The following TSPAN7 variants were observed in gnomAD, a reference collection of about 807,000 sequenced individuals.
The protein encoded by TSPAN7 is tetraspanin 7.
A neutral mutation model predicts 17.6 loss-of-function variants in TSPAN7; 1 was observed. The observed-to-expected ratio is 0.06, with a 90% CI of 0.02 to 0.27. The LOEUF is 0.27. Ranked by LOEUF, TSPAN7 falls within the 10% of genes least tolerant of loss-of-function variation. The pLI, the probability that TSPAN7 is intolerant of heterozygous loss-of-function variation, is 1.00. For missense variants in TSPAN7, 112 were observed against 201.7 expected (o/e 0.56, Z 2.69); for synonymous variants, 78 against 79.0 (o/e 0.99, Z 0.07).
chrX:38,601,124 T>C lies in TSPAN7; in HGVS notation c.81+39497T>C, dbSNP rs992622872. On this transcript the variant is annotated intron_variant, in intron 1 of 7. Coordinates refer to ENST00000378482, the MANE Select transcript of TSPAN7 (RefSeq NM_004615.4). ...CAGCACAGGGATCAATACTACAAGG[T>C]AGAGTATAGAAGACCATGATATTCT... is the stretch of plus-strand genomic sequence containing the variant. Among the ~76,000 whole-genome samples, 3 of 111,474 alleles carry C rather than the reference T, an allele frequency of 2.7e-5. No individual in the cohort carries two copies. In the Admixed American group the frequency reaches 2.9e-4, roughly 11 times the overall value.
intron 1 of TSPAN7, among the ~76,000 whole-genome samples, chrX:38,625,855 A>T (rs941358852): frequency 8.9e-6 from 1 of 112,122 alleles, no homozygotes; most frequent in Non-Finnish European, 1.9e-5. Context: ...GATGTATAAG[A>T]TATAAGTCAT....
intron 1 of TSPAN7, among the ~76,000 whole-genome samples, chrX:38,622,604 G>C (rs1213483372): frequency 8.9e-6 from 1 of 112,384 alleles, no homozygotes; most frequent in East Asian, 2.8e-4. Context: ...ACTTTAGTTA[G>C]GATTCTGACT....
intron 1 of TSPAN7, among the ~76,000 whole-genome samples, chrX:38,577,558 G>A (rs1044598550): frequency 4.8e-5 from 5 of 104,409 alleles, no homozygotes; most frequent in South Asian, 4.6e-4. Context: ...GCAAACTATC[G>A]CAAGGACAAA....
At chrX:38,641,186 C>G (rs189159225) in intron 1 of TSPAN7, among the ~76,000 whole-genome samples, 15 of 112,198 alleles carry the variant, frequency 1.3e-4, no homozygotes, top group Non-Finnish European at 2.8e-4. Flanking sequence ...ATGATTAATG[C>G]CCAGAGTGCA....
At chrX:38,652,938 G>A (rs1053957795) in intron 1 of TSPAN7, among the ~76,000 whole-genome samples, 12 of 112,440 alleles carry the variant, frequency 1.1e-4, no homozygotes, top group African/African-American at 3.6e-4. Flanking sequence ...CTACCTAGAC[G>A]AGAGGGTCAG....
chrX:38,624,764 C>T (rs1419447582), intron 1 of TSPAN7, among the ~76,000 whole-genome samples: 2 of 112,886 alleles, frequency 1.8e-5, no homozygotes, highest in Admixed American at 9.3e-5. Flanking sequence ...TGGTAGTTCT[C>T]AAACTTGGCT....
Position 38,655,715 on chromosome X carries a change from C to G in TSPAN7, c.82-10406C>G, listed in dbSNP as rs772043864. On this transcript the variant is annotated intron_variant, in intron 1 of 7. Transcript: ENST00000378482. ...CTTCAGACCAACCCACCTCATCACA[C>G]CCCATCAATGCATAGCCACATAAAG... Among the ~76,000 whole-genome samples, 70 of 111,687 alleles carry G rather than the reference C, an allele frequency of 6.3e-4. 1 individual carries two copies. Among genetic ancestry groups the G allele is most frequent in the Non-Finnish European group, 1.1e-3 (58 of 53,161 alleles).
intron 5 of TSPAN7, among the ~76,000 whole-genome samples, chrX:38,680,808 C>G (rs1329082864): frequency 9.0e-6 from 1 of 111,494 alleles, no homozygotes; most frequent in African/African-American, 3.3e-5. Flanking sequence ...AATGTCTTTT[C>G]AAGTCTACTT....
intron 1 of TSPAN7, chrX:38,612,799 G>A (rs1019948396): frequency 3.6e-5 from 4 of 111,471 alleles, no homozygotes; most frequent in Non-Finnish European, 7.5e-5. Flanking sequence ...TTCTACTATT[G>A]CTGTAGAGAA....
intron 1 of TSPAN7, among the ~76,000 whole-genome samples, chrX:38,636,893 G>A (rs965335552): frequency 1.8e-5 from 2 of 111,479 alleles, no homozygotes; most frequent in Non-Finnish European, 3.8e-5. Context: ...GACCTCAGGT[G>A]ATCCGCCAGC....
intron 1 of TSPAN7, among the ~76,000 whole-genome samples, chrX:38,630,109 T>C (rs2069542043): frequency 8.9e-6 from 1 of 111,741 alleles, no homozygotes; most frequent in African/African-American, 3.3e-5. Context: ...TAACTTAAAT[T>C]TCCCCATTTT....
intron 1 of TSPAN7, among the ~76,000 whole-genome samples, chrX:38,563,533 A>G (rs922891155): frequency 2.7e-5 from 3 of 111,181 alleles, no homozygotes; most frequent in Non-Finnish European, 3.8e-5. Context: ...ACATGAAGAA[A>G]TATTGTTCTT....
intron 1 of TSPAN7, among the ~76,000 whole-genome samples, chrX:38,632,405 T>G (rs1431524211): frequency 8.9e-6 from 1 of 112,307 alleles, no homozygotes; most frequent in Non-Finnish European, 1.9e-5. Flanking sequence ...TTCTAAAAAA[T>G]TGAATCACTA....
intron 1 of TSPAN7, among the ~76,000 whole-genome samples, chrX:38,572,550 A>G (rs1305859099): frequency 9.0e-6 from 1 of 111,690 alleles, no homozygotes; most frequent in African/African-American, 3.3e-5. Flanking sequence ...TTCTTAGTGA[A>G]ATGAAGTTGC....
intron 1 of TSPAN7, among the ~76,000 whole-genome samples, chrX:38,653,415 T>G (rs2069686474): frequency 9.0e-6 from 1 of 111,664 alleles, no homozygotes; most frequent in Non-Finnish European, 1.9e-5. Flanking sequence ...GAGTGGGTTC[T>G]TCTCATATAT....
At chrX:38,664,247 A>AT (rs1361286216) in intron 1 of TSPAN7, among the ~76,000 whole-genome samples, 1 of 110,986 alleles carries the variant, frequency 9.0e-6, no homozygotes, top group African/African-American at 3.3e-5. Context: ...AAAAAAATAT[A>AT]TTTTTTTTCT....
rs1347024792 is a variant in TSPAN7 at position 38,671,364 on chromosome X, C to A, written c.271-12C>A. On this transcript the variant is annotated splice_polypyrimidine_tract_variant and intron_variant, in intron 2 of 7. Transcript: ENST00000378482. ...ATGTATCTGACTTTGTCTTTGTGTGCTTAATTTTCAGTATGCCATGTTTCT... is the reference window on the plus strand; with the variant it reads ...ATGTATCTGACTTTGTCTTTGTGTGATTAATTTTCAGTATGCCATGTTTCT... 8.3e-7 allele frequency: 1 copy of A among 1,209,883 alleles called. No homozygotes were observed.
At chrX:38,657,629 ACT>A (rs1337174041) in intron 1 of TSPAN7, among the ~76,000 whole-genome samples, 1 of 112,170 alleles carries the variant, frequency 8.9e-6, no homozygotes, top group African/African-American at 3.2e-5. Flanking sequence ...GAAACAAGTA[ACT>A]CTAGCACTGG....
At chrX:38,589,614 A>C (rs1006630099) in intron 1 of TSPAN7, among the ~76,000 whole-genome samples, 1 of 112,238 alleles carries the variant, frequency 8.9e-6, no homozygotes, top group African/African-American at 3.2e-5. Context: ...AGATTTTTAA[A>C]AATTTGGAAT....
Sources: allele counts gnomAD v4.1 joint callset (sites outside exome capture counted in the v4.1 genomes callset), GRCh38; gene constraint gnomAD v4.1.1; transcripts MANE v1.5; gene names NCBI Gene and HGNC (gene_info 2026-07-23, HGNC 2026-07-21).